CHD7: variants seen among roughly 807,000 people sequenced by gnomAD.
The protein encoded by CHD7 is chromodomain helicase DNA binding protein 7, also known as ATP-dependent chromatin remodeler CHD7.
CHD7 carries 24 observed loss-of-function variants against 307.3 expected under a neutral mutation model. That is an observed-to-expected ratio of 0.08 (90% CI 0.06 to 0.11). CHD7 has a LOEUF of 0.11. Among genes scored for constraint, CHD7 ranks in the 10% least tolerant of loss-of-function variants. The pLI, the probability that CHD7 is intolerant of heterozygous loss-of-function variation, is 1.00. For synonymous variants in CHD7, 1,363 were observed against 1,349.9 expected (o/e 1.01, Z -0.21); for missense variants, 3,106 against 3,727.1 (o/e 0.83, Z 4.34).
chr8:60,680,514 C>T (rs535161025), intron 1 of CHD7, among the ~76,000 whole-genome samples: 3 of 152,050 alleles, frequency 2.0e-5, no homozygotes, highest in African/African-American at 7.2e-5. Flanking sequence ...TACCGAGCCG[C>T]CTTTCTCCGG....
chr8:60,765,153 A>T (rs757181822), intron 2 of CHD7, among the ~76,000 whole-genome samples: 1 of 152,106 alleles, frequency 6.6e-6, no homozygotes, highest in Non-Finnish European at 1.5e-5. Context: ...ACCCGCAGAC[A>T]ATAGGCCTCT....
chr8:60,810,812 G>A (rs1033263487), intron 7 of CHD7, among the ~76,000 whole-genome samples: 2 of 152,036 alleles, frequency 1.3e-5, no homozygotes, highest in African/African-American at 2.4e-5. Flanking sequence ...TTTATTTCAG[G>A]GGTCCCCAGT....
intron 23 of CHD7, among the ~76,000 whole-genome samples, chr8:60,848,219 G>A (rs1805296915): frequency 6.6e-6 from 1 of 152,226 alleles, no homozygotes; most frequent in Non-Finnish European, 1.5e-5. Context: ...TAGGGTACGT[G>A]TCTAAACTTC....
intron 1 of CHD7, among the ~76,000 whole-genome samples, chr8:60,732,142 GAA>G (rs1267072452): frequency 6.6e-6 from 1 of 152,184 alleles, no homozygotes; most frequent in African/African-American, 2.4e-5. Flanking sequence ...GTGTATATCA[GAA>G]AAGACTGTTT....
In CHD7 at chr8:60,732,569, A is replaced by C. The variant is rs182396512; in HGVS notation, c.-174-8690A>C. On this transcript the variant is annotated intron_variant, in intron 1 of 37. Transcript: ENST00000423902. The stretch of plus-strand genomic sequence containing the variant: ...ACATCACCTGGAGCTTCTGTGTGTC[A>C]AGTCAGTAGCTTGAAATAAGTCTAG... 2.9e-3 allele frequency among the ~76,000 whole-genome samples: 435 copies of C among 152,292 alleles called. 4 individuals carry two copies. The highest frequency in any genetic ancestry group is 0.01 in the African/African-American group (416 of 41,554).
chr8:60,777,180 A>G (rs929875525), intron 2 of CHD7, among the ~76,000 whole-genome samples: 1 of 152,158 alleles, frequency 6.6e-6, no homozygotes. Context: ...TTCTTTTCCT[A>G]TAAAGCATTG....
At chr8:60,711,377 T>G (rs1423622271) in intron 1 of CHD7, among the ~76,000 whole-genome samples, 2 of 152,200 alleles carry the variant, frequency 1.3e-5, no homozygotes, top group Admixed American at 1.3e-4. Flanking sequence ...AGCAGCCTCA[T>G]CAGATACAGC....
At chr8:60,722,980 A>G (rs12681737) in intron 1 of CHD7, among the ~76,000 whole-genome samples, 100,814 of 152,140 alleles carry the variant, frequency 0.66, 35,506 homozygotes, top group East Asian at 0.94. Context: ...ATTAAACTCT[A>G]TTGGTCTATC....
rs369298165 is a variant in CHD7 at position 60,830,545 on chromosome 8, G to A, written c.3746G>A (p.Arg1249Gln). The A allele has an allele frequency of 6.2e-7, 1 of 1,613,958 alleles. No homozygotes were observed. The highest frequency in any genetic ancestry group is 8.5e-7 in the Non-Finnish European group (1 of 1,179,850). Residue 1249 changes from arginine to glutamine, a missense_variant, in exon 15 of 38, where the codon CGG (arginine) becomes CAG (glutamine). Arg to Gln is a conservative substitution (Grantham distance 43). Around this residue, in one of 10 missense-constraint regions of CHD7, gnomAD observed 232 missense variants for 422.5 expected, o/e 0.55. Transcript: ENST00000423902. ...PNLLNTMMEL[R>Q]KCCNHPYLIN... ...CTATTAAACACTATGATGGAATTGC[G>A]GAAGTGCTGCAATCATCCGTACCTT...
chr8:60,824,418 C>A, intron 13 of CHD7: 1 of 249,490 alleles, frequency 4.0e-6, no homozygotes, highest in Non-Finnish European at 7.6e-6. Context: ...TTGGGATGTT[C>A]AACCCGTAAG....
intron 15 of CHD7, among the ~76,000 whole-genome samples, chr8:60,833,573 A>G (rs1032345853): frequency 6.6e-5 from 10 of 152,176 alleles, no homozygotes; most frequent in African/African-American, 2.4e-4. Flanking sequence ...GCTTTTATAT[A>G]GCTAGAGGAC....
At chr8:60,808,104 C>T in intron 6 of CHD7, 113 bp from the exon 7 acceptor site, 2 of 756,470 alleles carry the variant, frequency 2.6e-6, no homozygotes, top group Non-Finnish European at 4.4e-6. Context: ...ACGTGAAGGT[C>T]CTTTGCTGCT....
chr8:60,703,546 G>A (rs571617956), intron 1 of CHD7, among the ~76,000 whole-genome samples: 7 of 152,246 alleles, frequency 4.6e-5, no homozygotes, highest in South Asian at 4.2e-4. Flanking sequence ...AACCAAATTC[G>A]TGATACTTCA....
chr8:60,680,581 G>C (rs1423417618), intron 1 of CHD7, among the ~76,000 whole-genome samples: 1 of 152,150 alleles, frequency 6.6e-6, no homozygotes, highest in East Asian at 1.9e-4. Context: ...CTCCCGGCCG[G>C]CCGCCCGCTT....
chr8:60,800,257 C>T (rs1414255622), intron 4 of CHD7, 131 bp from the exon 5 acceptor site: 5 of 738,860 alleles, frequency 6.8e-6, no homozygotes, highest in Non-Finnish European at 1.1e-5. Context: ...TGGTCTCGAT[C>T]TCCTGACCTT....
chr8:60,821,590 A>G (rs1219383066), intron 9 of CHD7, among the ~76,000 whole-genome samples, 200 bp from the exon 10 acceptor site: 1 of 151,240 alleles, frequency 6.6e-6, no homozygotes, highest in African/African-American at 2.4e-5. Flanking sequence ...GTATAAGCAT[A>G]TATACACACA....
rs764411605 is a variant in CHD7, at chr8:60,742,275, A to G, written c.843A>G (p.Gln281=). Reference sequence around the variant, plus strand: ...CCAGATTCTCCCCGAATCCTCCCCAACAAGGGGCTGTTAGGCCGCAAACCC... The same window carrying G: ...CCAGATTCTCCCCGAATCCTCCCCAGCAAGGGGCTGTTAGGCCGCAAACCC... The part of the protein sequence containing the change: ...HSPRFSPNPP[Q]QGAVRPQTLN... Residue 281 remains glutamine (Q), a synonymous_variant, in exon 2 of 38, where the codon CAA becomes CAG. Transcript: ENST00000423902. 4.7e-5 allele frequency: 76 copies of G among 1,613,572 alleles called. No individual in the cohort carries two copies. The Admixed American group carries it at 5.8e-4, about 12-fold the overall frequency.
At chr8:60,765,744 G>C (rs1401876404) in intron 2 of CHD7, among the ~76,000 whole-genome samples, 2 of 152,252 alleles carry the variant, frequency 1.3e-5, no homozygotes, top group Non-Finnish European at 2.9e-5. Flanking sequence ...GAGGGTTTCA[G>C]CTTTCAGTGT....
Position 60,741,626 on chromosome 8 carries a change from A to G in CHD7, c.194A>G (p.Lys65Arg). 4 of 1,613,794 alleles carry G rather than the reference A, an allele frequency of 2.5e-6. No individual in the cohort carries two copies. Among genetic ancestry groups the G allele is most frequent in the Non-Finnish European group, 3.4e-6 (4 of 1,179,766 alleles). The change falls in exon 2 of 38, where the codon AAG (lysine) becomes AGG (arginine). Residue 65 changes from lysine to arginine, a missense_variant. By Grantham distance (26) the Lys-to-Arg change is conservative. Transcript: ENST00000423902. Reference protein sequence around the residue: ...HHPSTNQNQTKLTHFDHYNQY... With the variant: ...HHPSTNQNQTRLTHFDHYNQY... ...CCTTCAACTAATCAAAATCAAACAAAGCTGACACATTTTGATCACTATAAT... is the reference window on the plus strand; with the variant it reads ...CCTTCAACTAATCAAAATCAAACAAGGCTGACACATTTTGATCACTATAAT...
Sources: allele counts gnomAD v4.1 joint callset (sites outside exome capture counted in the v4.1 genomes callset), GRCh38; gene constraint gnomAD v4.1.1; regional missense constraint gnomAD v4.1.1; transcripts MANE v1.5; gene names NCBI Gene and HGNC (gene_info 2026-07-23, HGNC 2026-07-21).